The following MYH15 variants were observed in gnomAD, a reference collection of about 807,000 sequenced individuals.
The protein encoded by MYH15 is myosin heavy chain 15.
Under a neutral mutation model 240.5 loss-of-function variants are expected in MYH15, and 227 were observed. The ratio of observed to expected loss-of-function variants is 0.94; its 90% CI spans 0.85 to 1.05. The LOEUF is 1.05. MYH15 is among the 50% of genes least tolerant of loss of function. MYH15 has a pLI of 0.00. For synonymous variants in MYH15, 785 were observed against 796.7 expected (o/e 0.99, Z 0.25); for missense variants, 2,217 against 2,247.5 (o/e 0.99, Z 0.27).
intron 14 of MYH15, among the ~76,000 whole-genome samples, chr3:108,469,219 A>G (rs1211135219): frequency 6.6e-6 from 1 of 152,212 alleles, no homozygotes; most frequent in Non-Finnish European, 1.5e-5. Context: ...GCTCCTTCCT[A>G]GCAGGATTGT....
At chr3:108,466,658 C>G (rs1043969531) in intron 14 of MYH15, among the ~76,000 whole-genome samples, 2 of 152,188 alleles carry the variant, frequency 1.3e-5, no homozygotes, top group African/African-American at 2.4e-5. Flanking sequence ...ATTATTCAAA[C>G]AAGCCTGTTG....
chr3:108,487,799 T>C (rs1305617427), intron 9 of MYH15, among the ~76,000 whole-genome samples: 3 of 152,246 alleles, frequency 2.0e-5, no homozygotes, highest in Non-Finnish European at 2.9e-5. Context: ...CAGTGTACTT[T>C]AGGTGAAAAG....
At chr3:108,417,159 G>A (rs778633725) in intron 28 of MYH15, among the ~76,000 whole-genome samples, 56 of 152,132 alleles carry the variant, frequency 3.7e-4, no homozygotes, top group Admixed American at 3.9e-4. Flanking sequence ...AGTATGAATC[G>A]ATAACAGATG....
Position 108,416,619 on chromosome 3 carries a change from C to T in MYH15, c.3948+193G>A, listed in dbSNP as rs562643263. Among the ~76,000 whole-genome samples, 43 of 152,252 alleles carry T rather than the reference C, an allele frequency of 2.8e-4. 1 individual carries two copies. The highest frequency in any genetic ancestry group is 9.1e-4 in the African/African-American group (38 of 41,550). ...CACTTTGCTTGCTCTAAACCTGCAA[C>T]GAAGCAATTTGAATCACCGAGGAAG... On this transcript the variant is annotated intron_variant, in intron 29 of 40. Transcript: ENST00000693548.
intron 11 of MYH15, among the ~76,000 whole-genome samples, chr3:108,477,120 A>T (rs1205110134): frequency 1.3e-5 from 2 of 152,206 alleles, no homozygotes; most frequent in African/African-American, 4.8e-5. Flanking sequence ...TACTCATATA[A>T]TACGATATTG....
intron 30 of MYH15, among the ~76,000 whole-genome samples, chr3:108,413,463 T>G (rs2082609806): frequency 6.6e-6 from 1 of 152,192 alleles, no homozygotes; most frequent in Non-Finnish European, 1.5e-5. Flanking sequence ...CTTCCCTGGA[T>G]TTTTGCCAAG....
At chr3:108,422,823 A>G (rs2082693828) in intron 27 of MYH15, among the ~76,000 whole-genome samples, 1 of 152,238 alleles carries the variant, frequency 6.6e-6, no homozygotes, top group Non-Finnish European at 1.5e-5. Flanking sequence ...TGATAGAGCA[A>G]TGGCCAAAGG....
intron 22 of MYH15, among the ~76,000 whole-genome samples, chr3:108,443,115 C>T (rs1199362986): frequency 6.6e-6 from 1 of 152,164 alleles, no homozygotes; most frequent in Non-Finnish European, 1.5e-5. Context: ...CCAAAGTTAC[C>T]TATTCCCTAA....
Position 108,408,503 on chromosome 3 carries a change from A to T in MYH15, c.4496-99T>A, listed in dbSNP as rs2082563591. The T allele has an allele frequency of 2.6e-6, 3 of 1,167,020 alleles. No individual in the cohort carries two copies. The East Asian group carries it at 7.5e-5, about 29-fold the overall frequency. 72.3% of individuals were successfully genotyped at this position (1,167,020 alleles called of 1,614,324 possible). ...ATTCTTCCAGCCCACTGGAACAGTGACCTCATGCCACCCTTGGTAACTTGA... is the reference window on the plus strand; with the variant it reads ...ATTCTTCCAGCCCACTGGAACAGTGTCCTCATGCCACCCTTGGTAACTTGA... On this transcript the variant is annotated intron_variant, in intron 31 of 40. Transcript: ENST00000693548.
chr3:108,384,512 C>T (rs3905699), intron 39 of MYH15, among the ~76,000 whole-genome samples, 175 bp downstream of exon 39: 13,763 of 152,120 alleles, frequency 0.09, 2,107 homozygotes, highest in African/African-American at 0.31. Context: ...AAAAGCCACG[C>T]ACATTTTTGC....
Position 108,463,768 on chromosome 3 carries a change from G to C in MYH15, c.1732-525C>G, listed in dbSNP as rs77670931. Among the ~76,000 whole-genome samples, 4 of 152,122 alleles carry C rather than the reference G, an allele frequency of 2.6e-5. No individual in the cohort carries two copies. The East Asian group carries it at 7.7e-4, about 29-fold the overall frequency. On this transcript the variant is annotated intron_variant, in intron 15 of 40. Coordinates refer to ENST00000693548, the MANE Select transcript of MYH15 (RefSeq NM_014981.3). The stretch of plus-strand genomic sequence containing the variant: ...TCTCAAGATTCTTATCATTAACATT[G>C]TCAAAAGAAAGGAACAGACAGGAAG...
chr3:108,499,484 T>A lies in MYH15; in HGVS notation c.497-2A>T. ...AGAGTATAGACTGATTTTCTCGATCTACAAAAGAAAGAAAAATGCCAGAAT... is the reference window on the plus strand; with the variant it reads ...AGAGTATAGACTGATTTTCTCGATCAACAAAAGAAAGAAAAATGCCAGAAT... On this transcript the variant is annotated splice_acceptor_variant, in intron 4 of 40. Transcript: ENST00000693548. LOFTEE classifies it high-confidence loss of function. The A allele has an allele frequency of 6.2e-7, 1 of 1,612,988 alleles. No individual in the cohort carries two copies. The highest frequency in any genetic ancestry group is 8.5e-7 in the Non-Finnish European group (1 of 1,179,490).
chr3:108,476,277 C>T, intron 12 of MYH15, 120 bp downstream of exon 12: 5 of 598,858 alleles, frequency 8.3e-6, no homozygotes, highest in Admixed American at 6.1e-5. Context: ...CTCTTTTTTG[C>T]TTATTTATAG....
At chr3:108,510,848 G>T (rs914523274), upstream of MYH15, among the ~76,000 whole-genome samples, 6 of 152,054 alleles carry the variant, frequency 3.9e-5, no homozygotes, top group African/African-American at 7.2e-5. Flanking sequence ...CCATGAAAAT[G>T]TTTAATTTAT....
intron 1 of MYH15, among the ~76,000 whole-genome samples, chr3:108,518,893 T>C (rs892056546): frequency 1.3e-5 from 2 of 152,228 alleles, no homozygotes; most frequent in Non-Finnish European, 2.9e-5. Context: ...ATTTGTTTAA[T>C]TGCCCATCTT....
chr3:108,423,522 A>G (rs2082701231), intron 27 of MYH15, among the ~76,000 whole-genome samples: 1 of 152,214 alleles, frequency 6.6e-6, no homozygotes, highest in South Asian at 2.1e-4. Context: ...ACTAGAAGAA[A>G]GCTATAGTAG....
chr3:108,384,270 A>C (rs2082365322), intron 39 of MYH15, among the ~76,000 whole-genome samples: 1 of 152,174 alleles, frequency 6.6e-6, no homozygotes, highest in Non-Finnish European at 1.5e-5. Flanking sequence ...AGTACATTTC[A>C]ATTTATGGTG....
At chr3:108,488,430 C>G (rs1392836255) in intron 9 of MYH15, among the ~76,000 whole-genome samples, 1 of 152,170 alleles carries the variant, frequency 6.6e-6, no homozygotes, top group African/African-American at 2.4e-5. Context: ...ACCTCAGCCT[C>G]CCTAGTAGCT....
upstream of MYH15, among the ~76,000 whole-genome samples, chr3:108,510,977 T>G (rs778421843): frequency 6.6e-6 from 1 of 152,142 alleles, no homozygotes; most frequent in Non-Finnish European, 1.5e-5. Flanking sequence ...AATATTTTTT[T>G]GTGGAGAAAT....
Sources: allele counts gnomAD v4.1 joint callset (sites outside exome capture counted in the v4.1 genomes callset), GRCh38; gene constraint gnomAD v4.1.1; transcripts MANE v1.5; gene names NCBI Gene and HGNC (gene_info 2026-07-23, HGNC 2026-07-21).